The following VPS13B variants were observed in gnomAD, a reference collection of about 807,000 sequenced individuals.
VPS13B encodes vacuolar protein sorting 13 homolog B, also known as intermembrane lipid transfer protein VPS13B.
A neutral mutation model predicts 426.4 loss-of-function variants in VPS13B; 285 were observed. That is an observed-to-expected ratio of 0.67 (90% CI 0.61 to 0.74). VPS13B has a LOEUF of 0.74. Ranked by LOEUF, VPS13B falls within the 30% of genes least tolerant of loss-of-function variation. The probability of loss-of-function intolerance (pLI) is 0.00; values close to 1 mark genes in which losing one functional copy is unlikely to be tolerated. For synonymous variants in VPS13B, 1,676 were observed against 1,676.4 expected (o/e 1.00, Z 0.01); for missense variants, 4,537 against 4,782.6 (o/e 0.95, Z 1.51).
At chr8:99,474,827 C>T (rs547239181) in intron 24 of VPS13B, among the ~76,000 whole-genome samples, 10 of 152,184 alleles carry the variant, frequency 6.6e-5, no homozygotes, top group East Asian at 1.9e-4. Flanking sequence ...TACAACCCAG[C>T]GATTTCTCCC....
intron 24 of VPS13B, among the ~76,000 whole-genome samples, chr8:99,479,614 A>G (rs1325829393): frequency 6.6e-6 from 1 of 152,124 alleles, no homozygotes; most frequent in Non-Finnish European, 1.5e-5. Context: ...ATTCCTCCCC[A>G]TCACAGGTAC....
At chr8:99,601,138 A>C (rs1827279638) in intron 33 of VPS13B, among the ~76,000 whole-genome samples, 1 of 151,882 alleles carries the variant, frequency 6.6e-6, no homozygotes, top group African/African-American at 2.4e-5. Flanking sequence ...TCCTAATGCT[A>C]TACCTCCCCT....
intron 19 of VPS13B, among the ~76,000 whole-genome samples, chr8:99,314,867 T>A (rs1202377266): frequency 6.6e-6 from 1 of 152,234 alleles, no homozygotes; most frequent in East Asian, 1.9e-4. Context: ...GATCCCCTTA[T>A]TATTATATTA....
chr8:99,362,979 T>C (rs921317845), intron 19 of VPS13B, among the ~76,000 whole-genome samples: 2 of 152,248 alleles, frequency 1.3e-5, no homozygotes, highest in Non-Finnish European at 2.9e-5. Flanking sequence ...TTCTTCACTT[T>C]GTCGATTGTT....
chr8:99,473,506 G>T (rs983804235), intron 24 of VPS13B, among the ~76,000 whole-genome samples: 2 of 151,984 alleles, frequency 1.3e-5, no homozygotes, highest in Non-Finnish European at 2.9e-5. Flanking sequence ...CAAGTAGGAG[G>T]TAACATTCTC....
chr8:99,424,512 G>A (rs569439136), intron 21 of VPS13B: 12 of 152,276 alleles, frequency 7.9e-5, no homozygotes, highest in Non-Finnish European at 1.0e-4. Flanking sequence ...TGAAATTAAC[G>A]AGAACAAAGA....
At chr8:99,328,511 C>G (rs1810396326) in intron 19 of VPS13B, among the ~76,000 whole-genome samples, 1 of 152,054 alleles carries the variant, frequency 6.6e-6, no homozygotes, top group Admixed American at 6.6e-5. Flanking sequence ...TTAGTGGGAC[C>G]TGGATACTCT....
intron 19 of VPS13B, among the ~76,000 whole-genome samples, chr8:99,344,180 A>C (rs1034118567): frequency 3.9e-5 from 6 of 152,226 alleles, no homozygotes; most frequent in Non-Finnish European, 7.4e-5. Flanking sequence ...TTGATTTTCA[A>C]CAGAGATGGC....
At chr8:99,055,319 C>T (rs571363898) in intron 3 of VPS13B, among the ~76,000 whole-genome samples, 93 of 152,196 alleles carry the variant, frequency 6.1e-4, no homozygotes, top group African/African-American at 2.2e-3. Flanking sequence ...TGATTACAGG[C>T]GTGAGCCACC....
intron 15 of VPS13B, among the ~76,000 whole-genome samples, chr8:99,164,593 C>A (rs554962908): frequency 2.0e-5 from 3 of 152,268 alleles, no homozygotes; most frequent in Admixed American, 2.0e-4. Flanking sequence ...GGGTTGAAGA[C>A]CCACATAAGT....
intron 17 of VPS13B, among the ~76,000 whole-genome samples, chr8:99,209,171 T>C (rs1180483835): frequency 1.3e-5 from 2 of 151,338 alleles, no homozygotes; most frequent in African/African-American, 4.9e-5. Context: ...CCCAGCTACT[T>C]GGGAGGCTGA....
chr8:99,686,702 T>A (rs915222610), intron 35 of VPS13B, among the ~76,000 whole-genome samples: 3 of 151,920 alleles, frequency 2.0e-5, no homozygotes, highest in African/African-American at 7.3e-5. Context: ...CAAGGGCTCT[T>A]CAGTCAACTT....
chr8:99,294,703 A>T (rs187962224), intron 19 of VPS13B, among the ~76,000 whole-genome samples: 1 of 152,270 alleles, frequency 6.6e-6, no homozygotes, highest in Admixed American at 6.5e-5. Context: ...GGTGTAAATC[A>T]CTTGAGCTCA....
At chr8:99,335,666 T>A (rs1055191022) in intron 19 of VPS13B, among the ~76,000 whole-genome samples, 11 of 152,050 alleles carry the variant, frequency 7.2e-5, no homozygotes, top group African/African-American at 2.4e-4. Flanking sequence ...TTCAGCAAAG[T>A]CTCAGGATAC....
In VPS13B at chr8:99,497,342, C is replaced by A. The variant is rs939412335; in HGVS notation, c.3871-4345C>A. Among the ~76,000 whole-genome samples, 4 of 138,674 alleles carry A rather than the reference C, an allele frequency of 2.9e-5. No homozygotes were observed. In the Admixed American group the frequency reaches 2.9e-4, roughly 10 times the overall value. The allele number at this position is 138,674 out of a possible 152,430, so 91.0% of individuals were successfully genotyped here. ...TATATATTTATATACACATAAAATA[C>A]ATATATACATAAAATAATATGTATA... On this transcript the variant is annotated intron_variant, in intron 25 of 61. Coordinates refer to ENST00000357162, the MANE Select transcript of VPS13B (RefSeq NM_152564.5).
chr8:99,291,488 G>A (rs943402355), intron 19 of VPS13B, among the ~76,000 whole-genome samples: 1 of 152,234 alleles, frequency 6.6e-6, no homozygotes, highest in African/African-American at 2.4e-5. Context: ...TCAATTCATT[G>A]AATTCTATTT....
At chr8:99,074,763 G>A (rs1845030895) in intron 3 of VPS13B, among the ~76,000 whole-genome samples, 1 of 151,966 alleles carries the variant, frequency 6.6e-6, no homozygotes, top group Admixed American at 6.6e-5. Flanking sequence ...AATCTCCTGA[G>A]TAGCTGGGAC....
At position 99,331,565 on chromosome 8, in the gene VPS13B, A is replaced by C. The variant is rs1407525633; in HGVS notation, c.2825-52643A>C. Among the ~76,000 whole-genome samples the C allele has an allele frequency of 2.0e-5, 3 of 151,978 alleles. No individual in the cohort carries two copies. In the South Asian group the frequency reaches 6.2e-4, roughly 31 times the overall value. On this transcript the variant is annotated intron_variant, in intron 19 of 61. Coordinates refer to ENST00000357162, the MANE Select transcript of VPS13B (RefSeq NM_152564.5). The stretch of plus-strand genomic sequence containing the variant: ...GCTAAAAAACTGATACTTTACTAGT[A>C]AATCAAGAAAAAAATTAAAATATAA...
intron 23 of VPS13B, among the ~76,000 whole-genome samples, chr8:99,461,984 A>G (rs1329488164): frequency 6.6e-6 from 1 of 152,156 alleles, no homozygotes; most frequent in Non-Finnish European, 1.5e-5. Flanking sequence ...ATTTTAGCTC[A>G]GAATATTGGT....
Sources: allele counts gnomAD v4.1 joint callset (sites outside exome capture counted in the v4.1 genomes callset), GRCh38; gene constraint gnomAD v4.1.1; transcripts MANE v1.5; gene names NCBI Gene and HGNC (gene_info 2026-07-23, HGNC 2026-07-21).